The following THSD4 variants were observed in gnomAD, a reference collection of about 807,000 sequenced individuals.
THSD4 encodes the protein thrombospondin type 1 domain containing 4, also known as thrombospondin type-1 domain-containing protein 4.
Under a neutral mutation model 119.0 loss-of-function variants are expected in THSD4, and 69 were observed. The observed-to-expected ratio is 0.58, with a 90% CI of 0.48 to 0.71. The LOEUF (loss-of-function observed/expected upper bound fraction) is 0.71, where lower values mean the gene tolerates loss of function less well. THSD4 is among the 30% of genes least tolerant of loss of function. The pLI is 0.00. For missense variants in THSD4, 1,393 were observed against 1,391.1 expected, an observed-to-expected ratio of 1.00 and a Z score of -0.02; for synonymous variants, 524 against 540.4, an observed-to-expected ratio of 0.97 and a Z score of 0.42.
At chr15:71,494,357 T>C (rs2047976768) in intron 7 of THSD4, among the ~76,000 whole-genome samples, 2 of 152,146 alleles carry the variant, frequency 1.3e-5, no homozygotes, top group Non-Finnish European at 2.9e-5. Context: ...TTGGGAAACC[T>C]TGTGCTCTAA....
Position 71,580,821 on chromosome 15 carries a change from TTTC to T in THSD4, c.1153-79703_1153-79701del, listed in dbSNP as rs2049544110. Among the ~76,000 whole-genome samples, 5 of 152,268 alleles carry T rather than the reference TTTC, an allele frequency of 3.3e-5. 1 individual carries two copies. Among genetic ancestry groups the T allele is most frequent in the African/African-American group, 9.6e-5 (4 of 41,570 alleles). ...TTCATGTTATTGCAAATGGCAGGATTTTCTTCTTTTTTAAAGCTGAATAATATT... is the reference window on the plus strand; with the variant it reads ...TTCATGTTATTGCAAATGGCAGGATTTTCTTTTTTAAAGCTGAATAATATT... On this transcript the variant is annotated intron_variant, in intron 7 of 17. Transcript: ENST00000261862.
chr15:71,542,325 A>G (rs1052830791), intron 7 of THSD4, among the ~76,000 whole-genome samples: 1 of 152,214 alleles, frequency 6.6e-6, no homozygotes, highest in Non-Finnish European at 1.5e-5. Flanking sequence ...CTCCCCCTCC[A>G]GGAAGGAGAT....
chr15:71,342,240 AC>A (rs2045589721), intron 6 of THSD4: 1 of 179,018 alleles, frequency 5.6e-6, no homozygotes, highest in South Asian at 1.2e-4. Flanking sequence ...GTTTTAAAAT[AC>A]GCTTTGGGAA....
chr15:71,285,152 T>C (rs1402633330), intron 6 of THSD4, among the ~76,000 whole-genome samples: 1 of 152,208 alleles, frequency 6.6e-6, no homozygotes, highest in African/African-American at 2.4e-5. Context: ...ATAATAATAC[T>C]TGATTAAATA....
intron 8 of THSD4, among the ~76,000 whole-genome samples, chr15:71,715,327 C>T (rs980906010): frequency 1.1e-4 from 17 of 152,162 alleles, no homozygotes; most frequent in African/African-American, 7.2e-5. Flanking sequence ...GAACCCATGG[C>T]GACAGTGCCT....
At chr15:71,278,271 T>C (rs1279523990) in intron 6 of THSD4, among the ~76,000 whole-genome samples, 1 of 152,130 alleles carries the variant, frequency 6.6e-6, no homozygotes, top group African/African-American at 2.4e-5. Context: ...TCATGGCTCA[T>C]TGTAGCCCTG....
chr15:71,616,452 A>G (rs1339182591), intron 7 of THSD4, among the ~76,000 whole-genome samples: 1 of 152,198 alleles, frequency 6.6e-6, no homozygotes, highest in Non-Finnish European at 1.5e-5. Context: ...AGGACCAGTA[A>G]TATAGGGTTC....
At chr15:71,241,149 C>T (rs1169912376) in intron 4 of THSD4, among the ~76,000 whole-genome samples, 1 of 152,164 alleles carries the variant, frequency 6.6e-6, no homozygotes, top group East Asian at 1.9e-4. Flanking sequence ...ATGGGGCCAT[C>T]CTGTAGAAAC....
intron 8 of THSD4, among the ~76,000 whole-genome samples, chr15:71,664,308 A>T (rs8037156): frequency 0.4 from 60,283 of 150,712 alleles, 12,763 homozygotes; most frequent in East Asian, 0.89. Flanking sequence ...TTACAACTTT[A>T]TTTTTTTTTA....
intron 13 of THSD4, among the ~76,000 whole-genome samples, chr15:71,747,556 A>C (rs2141173065): frequency 6.6e-6 from 1 of 152,328 alleles, no homozygotes; most frequent in East Asian, 1.9e-4. Flanking sequence ...TTTAGAAGAA[A>C]GTTTAGGAGA....
chr15:71,653,101 C>T (rs2051123809), intron 7 of THSD4, among the ~76,000 whole-genome samples: 1 of 152,208 alleles, frequency 6.6e-6, no homozygotes, highest in Non-Finnish European at 1.5e-5. Context: ...CAACCAGCTG[C>T]TCTTTCATTC....
At chr15:71,590,820 G>A (rs1420136037) in intron 7 of THSD4, among the ~76,000 whole-genome samples, 1 of 151,728 alleles carries the variant, frequency 6.6e-6, no homozygotes, top group Non-Finnish European at 1.5e-5. Context: ...TGGCTAACAC[G>A]GTGAAACCCT....
At chr15:71,724,287 A>ATATATATATATATATATTTTTT in intron 8 of THSD4, among the ~76,000 whole-genome samples, 7 of 37,290 alleles carry the variant, frequency 1.9e-4, no homozygotes, top group Non-Finnish European at 3.7e-4. Flanking sequence ...ATATATATAT[A>ATATATATATATATATATTTTTT]TTTTTTTTTT....
chr15:71,615,549 C>T (rs1214960346), intron 7 of THSD4, among the ~76,000 whole-genome samples: 4 of 152,016 alleles, frequency 2.6e-5, no homozygotes, highest in Non-Finnish European at 5.9e-5. Context: ...TAAACAGAAG[C>T]TACTTCTTTT....
At chr15:71,339,827 C>T (rs1026600730) in intron 6 of THSD4, among the ~76,000 whole-genome samples, 2 of 151,948 alleles carry the variant, frequency 1.3e-5, no homozygotes, top group Middle Eastern at 3.2e-3. Context: ...TGCAGTGGCG[C>T]GATCTCCGCT....
chr15:71,491,176 G>C (rs2047912833), intron 7 of THSD4, among the ~76,000 whole-genome samples: 1 of 152,182 alleles, frequency 6.6e-6, no homozygotes, highest in African/African-American at 2.4e-5. Context: ...GTGAAAACAT[G>C]CCCTTTTCCT....
intron 7 of THSD4, among the ~76,000 whole-genome samples, chr15:71,609,254 T>C (rs924249611): frequency 1.3e-5 from 2 of 152,174 alleles, no homozygotes; most frequent in Admixed American, 6.5e-5. Context: ...TCATACAAAT[T>C]AGTTAACAAA....
intron 4 of THSD4, among the ~76,000 whole-genome samples, chr15:71,222,006 C>T (rs987891631): frequency 2.6e-5 from 4 of 152,104 alleles, no homozygotes; most frequent in Non-Finnish European, 5.9e-5. Flanking sequence ...TGATGTTGAA[C>T]ATTTTTTTAT....
At chr15:71,442,692 A>ATATATATATATATG (rs2047126097) in intron 7 of THSD4, among the ~76,000 whole-genome samples, 1 of 116,840 alleles carries the variant, frequency 8.6e-6, no homozygotes, top group Non-Finnish European at 1.8e-5. Context: ...ATATATATAT[A>ATATATATATATATG]TATATATATA....
Sources: allele counts gnomAD v4.1 joint callset (sites outside exome capture counted in the v4.1 genomes callset), GRCh38; gene constraint gnomAD v4.1.1; transcripts MANE v1.5; gene names NCBI Gene and HGNC (gene_info 2026-07-23, HGNC 2026-07-21).